The following WDR1 variants were observed in gnomAD, a reference collection of about 807,000 sequenced individuals.
WDR1 encodes the protein WD repeat domain 1.
A neutral mutation model predicts 71.9 loss-of-function variants in WDR1; 21 were observed. The observed-to-expected ratio is 0.29, with a 90% CI of 0.21 to 0.42. The LOEUF (loss-of-function observed/expected upper bound fraction) is 0.42, where lower values mean the gene tolerates loss of function less well. Ranked by LOEUF, WDR1 falls within the 10% of genes least tolerant of loss-of-function variation. The probability of loss-of-function intolerance (pLI) is 1.00; values close to 1 mark genes in which losing one functional copy is unlikely to be tolerated. For missense variants in WDR1, 696 were observed against 824.5 expected (o/e 0.84, Z 1.91); for synonymous variants, 424 against 347.4 (o/e 1.22, Z -2.45).
chr4:10,111,898 G>A (rs540844607), intron 2 of WDR1, among the ~76,000 whole-genome samples: 104 of 151,196 alleles, frequency 6.9e-4, no homozygotes, highest in African/African-American at 2.4e-3. Context: ...TTGCACTCCC[G>A]GAAACTCAAT....
rs558348414 is a variant in WDR1 at position 10,077,506 on chromosome 4, A to G, written c.1570-58T>C. Reference sequence around the variant, plus strand: ...GGTCAGGTTCAGGCCGCAGTTGCCCATATCACCTCGCTTATCCCTCATGGC... The same window carrying G: ...GGTCAGGTTCAGGCCGCAGTTGCCCGTATCACCTCGCTTATCCCTCATGGC... On this transcript the variant is annotated intron_variant, in intron 13 of 14. Coordinates refer to ENST00000499869, the MANE Select transcript of WDR1 (RefSeq NM_017491.5). 5.8e-5 allele frequency: 93 copies of G among 1,610,200 alleles called. 1 individual carries two copies. Among genetic ancestry groups the G allele is most frequent in the South Asian group, 2.9e-4 (26 of 90,708 alleles).
intron 1 of WDR1, 22 bp downstream of exon 1, chr4:10,116,629 G>T (rs1713758480): frequency 8.9e-6 from 11 of 1,237,550 alleles, no homozygotes; most frequent in Non-Finnish European, 1.0e-5. Context: ...GCCGCTCGGG[G>T]GCCCCGCGCC....
chr4:10,077,995 G>C (rs957711717), intron 12 of WDR1, 69 bp from the exon 13 acceptor site: 37 of 1,466,630 alleles, frequency 2.5e-5, no homozygotes, highest in Non-Finnish European at 2.9e-5. Flanking sequence ...TTTGTGAAGG[G>C]GGGGTCGAGG....
intron 2 of WDR1, 118 bp from the exon 3 acceptor site, chr4:10,104,104 C>A (rs1027965378): frequency 2.7e-6 from 3 of 1,119,456 alleles, no homozygotes; most frequent in Admixed American, 2.0e-5. Context: ...AAGCTAAAAC[C>A]GTGAAGAAAA....
intron 3 of WDR1, among the ~76,000 whole-genome samples, chr4:10,099,500 CA>C (rs1428706717): frequency 6.6e-6 from 1 of 152,262 alleles, no homozygotes; most frequent in Non-Finnish European, 1.5e-5. Flanking sequence ...TTAGTTTTCT[CA>C]CTGTGTTTCT....
rs752164738 is a variant in WDR1, at chr4:10,116,096, G to C, written c.138+17C>G. ...TGGCTCCGGAGCAGAACCGCGCCCG[G>C]GGTAGGGGGTACTCACGTCGATGTT... On this transcript the variant is annotated intron_variant, in intron 2 of 14. Transcript: ENST00000499869. 6.2e-7 allele frequency: 1 copy of C among 1,610,682 alleles called. No homozygotes were observed. The highest frequency in any genetic ancestry group is 8.5e-7 in the Non-Finnish European group (1 of 1,178,252).
intron 8 of WDR1, among the ~76,000 whole-genome samples, chr4:10,087,249 G>A (rs1194060899): frequency 6.6e-6 from 1 of 152,094 alleles, no homozygotes; most frequent in Non-Finnish European, 1.5e-5. Context: ...CCAAGGCCCA[G>A]GCCCAAGGCC....
Position 10,074,747 on chromosome 4 carries a change from T to TA in WDR1, c.*630dup, listed in dbSNP as rs5856030. ...CTGACAGGCAACAGTTAAGATACATTAAAAAAAAAGGAAAGATACCCACAA... is the reference window on the plus strand; with the variant it reads ...CTGACAGGCAACAGTTAAGATACATTAAAAAAAAAAGGAAAGATACCCACAA... On this transcript the variant is annotated 3_prime_UTR_variant, in exon 15 of 15. Transcript: ENST00000499869. 0.15 allele frequency: 22,181 copies of TA among 150,938 alleles called. 2,037 individuals are homozygous for TA. The highest frequency in any genetic ancestry group is 0.21 in the Non-Finnish European group (14,518 of 67,624). The allele number at this position is 150,938 out of a possible 1,614,324, so 9.3% of individuals were successfully genotyped here.
At position 10,083,145 on chromosome 4, in the gene WDR1, G is replaced by A. The variant is rs764967558; in HGVS notation, c.1073C>T (p.Ser358Phe). 1.2e-6 allele frequency: 2 copies of A among 1,613,804 alleles called. No individual in the cohort carries two copies. Among genetic ancestry groups the A allele is most frequent in the African/African-American group, 1.3e-5 (1 of 74,924 alleles). The change falls in exon 10 of 15, where the codon TCC (serine) becomes TTC (phenylalanine). Residue 358 changes from serine to phenylalanine, a missense_variant. By Grantham distance (155) the Ser-to-Phe change is radical. Transcript: ENST00000499869. ...YWDSETGEND[S>F]FAGKGHTNQV... ...GTTCGTGTGGCCTTTCCCAGCGAAGGAGTCGTTCTCCCCCGTCTCTGAATC... is the reference window on the plus strand; with the variant it reads ...GTTCGTGTGGCCTTTCCCAGCGAAGAAGTCGTTCTCCCCCGTCTCTGAATC...
At chr4:10,090,975 G>A (rs1204006944) in intron 5 of WDR1, among the ~76,000 whole-genome samples, 2 of 152,250 alleles carry the variant, frequency 1.3e-5, no homozygotes, top group Admixed American at 1.3e-4. Context: ...CACCAGGCTG[G>A]CTCAGTCTGA....
chr4:10,112,689 T>C (rs1713458748), intron 2 of WDR1, among the ~76,000 whole-genome samples: 2 of 152,222 alleles, frequency 1.3e-5, no homozygotes, highest in South Asian at 4.1e-4. Flanking sequence ...GGTCCGGCAA[T>C]CTACACTGAG....
chr4:10,082,589 G>C (rs1343402709), intron 10 of WDR1, among the ~76,000 whole-genome samples: 1 of 152,104 alleles, frequency 6.6e-6, no homozygotes, highest in Non-Finnish European at 1.5e-5. Flanking sequence ...CCAGATCACT[G>C]TGTGCCCATC....
Position 10,075,486 on chromosome 4 carries a change from T to C in WDR1, c.1715-2A>G. 6.2e-7 allele frequency: 1 copy of C among 1,613,836 alleles called. No individual in the cohort carries two copies. Among genetic ancestry groups the C allele is most frequent in the Non-Finnish European group, 8.5e-7 (1 of 1,179,826 alleles). On this transcript the variant is annotated splice_acceptor_variant, in intron 14 of 14. Coordinates refer to ENST00000499869, the MANE Select transcript of WDR1 (RefSeq NM_017491.5). LOFTEE classifies it high-confidence loss of function. ...TGACATGGTGCAGCCGGTGTGCATC[T>C]GGGAAGAAAGGGTGCAATTTAACGA...
At chr4:10,115,210 C>T (rs1050076816) in intron 2 of WDR1, among the ~76,000 whole-genome samples, 8 of 152,236 alleles carry the variant, frequency 5.3e-5, no homozygotes, top group African/African-American at 1.7e-4. Flanking sequence ...CCCACCCCAC[C>T]AATTCCATCA....
At chr4:10,105,988 A>G (rs1445389583) in intron 2 of WDR1, among the ~76,000 whole-genome samples, 1 of 152,236 alleles carries the variant, frequency 6.6e-6, no homozygotes, top group Non-Finnish European at 1.5e-5. Context: ...TGTTATGCAA[A>G]GTGAAAAAGC....
intron 5 of WDR1, chr4:10,092,999 TC>T: frequency 8.2e-7 from 1 of 1,215,376 alleles, no homozygotes; most frequent in South Asian, 1.3e-5. Context: ...CGAGCCCCCC[TC>T]CCCACAGTCC....
intron 2 of WDR1, among the ~76,000 whole-genome samples, chr4:10,113,741 C>T (rs1345339808): frequency 6.6e-6 from 1 of 152,218 alleles, no homozygotes; most frequent in Non-Finnish European, 1.5e-5. Flanking sequence ...TCTGAAGATA[C>T]TTTGAATGTG....
chr4:10,078,848 G>C, intron 12 of WDR1, 43 bp downstream of exon 12: 1 of 1,545,374 alleles, frequency 6.5e-7, no homozygotes, highest in Non-Finnish European at 8.9e-7. Context: ...AAATCACCCA[G>C]ATACCAAGGA....
intron 5 of WDR1, chr4:10,096,387 C>T (rs1312954133): frequency 1.3e-5 from 2 of 152,316 alleles, no homozygotes; most frequent in Non-Finnish European, 2.9e-5. Flanking sequence ...GCCTTCAATA[C>T]AGCTCCCAAA....
Sources: gnomAD v4.1 joint callset for allele counts (sites outside exome capture counted in the v4.1 genomes callset) on GRCh38, gnomAD v4.1.1 for gene constraint, MANE v1.5 for transcripts, NCBI Gene and HGNC (gene_info 2026-07-23, HGNC 2026-07-21) for gene names.